Variants in HCRTR2 observed in about 807,000 individuals in gnomAD.
The protein encoded by HCRTR2 is orexin receptor type 2.
HCRTR2 carries 22 observed loss-of-function variants against 49.0 expected under a neutral mutation model. That is an observed-to-expected ratio of 0.45 (90% confidence interval 0.32 to 0.64). HCRTR2 has a LOEUF of 0.64. Among genes scored for constraint, HCRTR2 ranks in the 30% least tolerant of loss-of-function variants. The pLI is 0.04. For synonymous variants in HCRTR2, 236 were observed against 205.3 expected, an observed-to-expected ratio of 1.15 and a Z score of -1.28; for missense variants, 491 against 559.4, an observed-to-expected ratio of 0.88 and a Z score of 1.23.
At chr6:55,109,169 A>C (rs2127610183) in intron 1 of HCRTR2, among the ~76,000 whole-genome samples, 1 of 152,296 alleles carries the variant, frequency 6.6e-6, no homozygotes, top group East Asian at 1.9e-4. Flanking sequence ...AGCTCTCAGG[A>C]AGCCCCATTC....
chr6:55,180,653 C>T (rs1390439523), intron 1 of HCRTR2, among the ~76,000 whole-genome samples: 1 of 152,168 alleles, frequency 6.6e-6, no homozygotes, highest in East Asian at 1.9e-4. Context: ...TTTTTAGACA[C>T]AATTTGAGCC....
In HCRTR2 at chr6:55,282,228, A is replaced by C; in HGVS notation, c.1109A>C (p.Lys370Thr). ...NPIIYNFLSG[K>T]FREEFKAAFS... is the part of the protein sequence containing the mutation. Reference sequence around the variant, plus strand: ...TTTCATTCTCTCTGTTTGCCAGGAAAATTTCGAGAGGAATTTAAAGCTGCG... The same window carrying C: ...TTTCATTCTCTCTGTTTGCCAGGAACATTTCGAGAGGAATTTAAAGCTGCG... Residue 370 changes from lysine to threonine, a missense_variant, in exon 7 of 7, where the codon AAA becomes ACA. Coordinates refer to ENST00000370862, the MANE Select transcript of HCRTR2 (RefSeq NM_001384272.1). 3 of 1,611,778 alleles carry C rather than the reference A, an allele frequency of 1.9e-6. No individual in the cohort carries two copies. The highest frequency in any genetic ancestry group is 2.5e-6 in the Non-Finnish European group (3 of 1,178,246).
chr6:55,181,403 A>C lies in HCRTR2; in HGVS notation c.223+6593A>C, dbSNP rs554523703. Among the ~76,000 whole-genome samples, 200 of 152,332 alleles carry C rather than the reference A, an allele frequency of 1.3e-3. 1 individual carries two copies. The highest frequency in any genetic ancestry group is 4.6e-3 in the African/African-American group (190 of 41,572). On this transcript the variant is annotated intron_variant, in intron 1 of 6. Transcript: ENST00000370862. ...TAACATTAAATTTCTTGCCAGAAAA[A>C]CTGTTCTTTCATAAACAAAAAACAA...
intron 1 of HCRTR2, among the ~76,000 whole-genome samples, chr6:55,216,722 G>C (rs1204197677): frequency 1.3e-5 from 2 of 152,172 alleles, no homozygotes; most frequent in African/African-American, 4.8e-5. Context: ...GATTGGAATT[G>C]CTCATTGGTG....
Position 55,241,861 on chromosome 6 carries a change from A to ATTTTTTTTTTTTTTTTTTTTTTT in HCRTR2, c.224-6777_224-6755dup, listed in dbSNP as rs917427627. Among the ~76,000 whole-genome samples, 78 of 92,520 alleles carry ATTTTTTTTTTTTTTTTTTTTTTT rather than the reference A, an allele frequency of 8.4e-4. 12 individuals carry two copies. Among genetic ancestry groups the ATTTTTTTTTTTTTTTTTTTTTTT allele is most frequent in the African/African-American group, 1.1e-3 (25 of 22,966 alleles). 60.7% of individuals were successfully genotyped at this position (92,520 alleles called of 152,430 possible). ...GTAGTCTGTCTTACTATGGCAACTA[A>ATTTTTTTTTTTTTTTTTTTTTTT]TTTTTTTTTTTTTTTTTTTTTTTGT... On this transcript the variant is annotated intron_variant, in intron 1 of 6. Coordinates refer to ENST00000370862, the MANE Select transcript of HCRTR2 (RefSeq NM_001384272.1).
At chr6:55,174,375 G>A, upstream of HCRTR2, 1 of 591,782 alleles carries the variant, frequency 1.7e-6, no homozygotes. Flanking sequence ...TATCTTCCCG[G>A]TGCAACATCG....
intron 4 of HCRTR2, among the ~76,000 whole-genome samples, chr6:55,265,861 T>C (rs887816905): frequency 6.6e-6 from 1 of 152,098 alleles, no homozygotes; most frequent in African/African-American, 2.4e-5. Flanking sequence ...ATCTTCCTCA[T>C]AGGTTTGGTA....
chr6:55,189,218 G>C (rs1190497662), intron 1 of HCRTR2, among the ~76,000 whole-genome samples: 7 of 152,150 alleles, frequency 4.6e-5, no homozygotes, highest in Admixed American at 4.6e-4. Flanking sequence ...ATTTTAAAAT[G>C]ACTTGTGTTA....
At chr6:55,272,339 G>A (rs1007223918) in intron 4 of HCRTR2, among the ~76,000 whole-genome samples, 1 of 152,016 alleles carries the variant, frequency 6.6e-6, no homozygotes, top group Non-Finnish European at 1.5e-5. Flanking sequence ...ATTTGTCCTT[G>A]GCACGGGCTG....
At chr6:55,172,558 C>T (rs1764966050), upstream of HCRTR2, among the ~76,000 whole-genome samples, 1 of 152,072 alleles carries the variant, frequency 6.6e-6, no homozygotes, top group Admixed American at 6.6e-5. Context: ...TGGGGAAATA[C>T]AACAATATTT....
At chr6:55,221,729 C>T (rs572476897) in intron 1 of HCRTR2, among the ~76,000 whole-genome samples, 8 of 151,312 alleles carry the variant, frequency 5.3e-5, no homozygotes, top group Admixed American at 3.3e-4. Context: ...AGGAGAATGG[C>T]GTGAACCTCA....
intron 2 of HCRTR2, among the ~76,000 whole-genome samples, chr6:55,250,957 A>G (rs1581857254): frequency 6.6e-6 from 1 of 152,250 alleles, no homozygotes; most frequent in East Asian, 1.9e-4. Flanking sequence ...GTGTAAATGC[A>G]CCAAGAGATT....
rs113995235 is a variant in HCRTR2 at position 55,204,754 on chromosome 6, T to C, written c.223+29944T>C. Among the ~76,000 whole-genome samples, 590 of 152,148 alleles carry C rather than the reference T, an allele frequency of 3.9e-3. 3 individuals are homozygous for C. Among genetic ancestry groups the C allele is most frequent in the African/African-American group, 0.013 (544 of 41,510 alleles). ...TGGGAGAATCAAAAATCCTAAAATA[T>C]CCAAATCCTCTCCCCTGCCTTCCCC... On this transcript the variant is annotated intron_variant, in intron 1 of 6. Coordinates refer to ENST00000370862, the MANE Select transcript of HCRTR2 (RefSeq NM_001384272.1).
chr6:55,156,719 A>T (rs1764736489), intron 1 of HCRTR2, among the ~76,000 whole-genome samples: 1 of 152,186 alleles, frequency 6.6e-6, no homozygotes, highest in Admixed American at 6.5e-5. Context: ...AATGGGGTTT[A>T]TTCCTGGGAT....
chr6:55,116,606 T>A (rs1261440162), intron 1 of HCRTR2, among the ~76,000 whole-genome samples: 1 of 150,298 alleles, frequency 6.7e-6, no homozygotes, highest in African/African-American at 2.4e-5. Context: ...TAGAATACAA[T>A]TGATCTAAAA....
At chr6:55,141,202 G>A (rs1051107070) in intron 1 of HCRTR2, among the ~76,000 whole-genome samples, 15 of 150,192 alleles carry the variant, frequency 1.0e-4, no homozygotes, top group South Asian at 2.1e-4. Context: ...AAAATTAACC[G>A]GGCGTGGTGG....
intron 1 of HCRTR2, among the ~76,000 whole-genome samples, chr6:55,242,559 G>A (rs1047826368): frequency 6.6e-6 from 1 of 152,098 alleles, no homozygotes; most frequent in Non-Finnish European, 1.5e-5. Flanking sequence ...AGATCCTTTT[G>A]AGACACTCAG....
intron 1 of HCRTR2, among the ~76,000 whole-genome samples, chr6:55,149,604 T>C (rs1764637829): frequency 6.6e-6 from 1 of 152,120 alleles, no homozygotes; most frequent in Non-Finnish European, 1.5e-5. Context: ...AACCCTTTAA[T>C]GCAGGTTTTA....
chr6:55,137,002 C>T (rs1764442754), intron 1 of HCRTR2, among the ~76,000 whole-genome samples: 1 of 152,114 alleles, frequency 6.6e-6, no homozygotes, highest in African/African-American at 2.4e-5. Flanking sequence ...AAACCATTAT[C>T]CAGAAATAGT....
Sources: gnomAD v4.1 joint callset for allele counts (sites outside exome capture counted in the v4.1 genomes callset) on GRCh38, gnomAD v4.1.1 for gene constraint, MANE v1.5 for transcripts, NCBI Gene and HGNC (gene_info 2026-07-23, HGNC 2026-07-21) for gene names.